PLXNB3: variants seen among roughly 807,000 people sequenced by gnomAD.
The protein encoded by PLXNB3 is plexin-B3.
PLXNB3 carries 80 observed loss-of-function variants against 125.7 expected under a neutral mutation model. The observed-to-expected ratio is 0.64, with a 90% CI of 0.53 to 0.77. PLXNB3 has a LOEUF of 0.77. Among genes scored for constraint, PLXNB3 ranks in the 30% least tolerant of loss-of-function variants. The pLI, the probability that PLXNB3 is intolerant of heterozygous loss-of-function variation, is 0.00. For missense variants in PLXNB3, 1,836 were observed against 1,729.3 expected (o/e 1.06, Z -1.09); for synonymous variants, 954 against 783.3 (o/e 1.22, Z -3.64).
chrX:153,768,010 T>C, intron 3 of PLXNB3, 97 bp downstream of exon 3: 2 of 941,165 alleles, frequency 2.1e-6, no homozygotes, highest in Middle Eastern at 2.9e-4. Flanking sequence ...CCAGCCAACC[T>C]CTCAGCCAGG....
chrX:153,773,750 G>C, intron 19 of PLXNB3, 37 bp downstream of exon 19: 1 of 1,177,950 alleles, frequency 8.5e-7, no homozygotes, highest in Non-Finnish European at 1.1e-6. Context: ...GGCTGTCCCC[G>C]ACCATGCCCA....
intron 2 of PLXNB3, 162 bp downstream of exon 2, chrX:153,765,742 C>T (rs2091850465): frequency 1.3e-6 from 1 of 754,606 alleles, no homozygotes; most frequent in Non-Finnish European, 1.6e-6. Context: ...GCTCTTCCTG[C>T]CTGTGTTCCT....
At chrX:153,769,126 C>T (rs782491093) in intron 5 of PLXNB3, 36 bp from the exon 6 acceptor site, 51 of 1,198,631 alleles carry the variant, frequency 4.3e-5, no homozygotes, top group Admixed American at 2.0e-4. Context: ...GCCCAAGTCT[C>T]GTGCCCATTG....
intron 2 of PLXNB3, chrX:153,766,191 C>T: frequency 1.7e-6 from 2 of 1,145,260 alleles, no homozygotes; most frequent in South Asian, 2.0e-5. Flanking sequence ...TGCTTCCTCG[C>T]CCTGGAGCTG....
chrX:153,774,656 G>A (rs1336908182), intron 22 of PLXNB3, 50 bp from the exon 23 acceptor site: 1 of 1,149,179 alleles, frequency 8.7e-7, no homozygotes, highest in African/African-American at 1.8e-5. Context: ...CCCCGGCCCT[G>A]GCTGATGCTG....
chrX:153,766,637 C>T, intron 2 of PLXNB3: 1 of 751,450 alleles, frequency 1.3e-6, no homozygotes. Flanking sequence ...GTGCATGCAC[C>T]CCTCCCTGCC....
At position 153,776,414 on chromosome X, in the gene PLXNB3, G is replaced by C; in HGVS notation, c.4788G>C (p.Val1596=). The change falls in exon 28 of 36, where the codon GTG becomes GTC. Residue 1596 remains valine, a synonymous_variant. Coordinates refer to ENST00000361971, the MANE Select transcript of PLXNB3 (RefSeq NM_005393.3). ...LTLSDEDLTS[V]TQNHWKRLNT... is the part of the protein sequence containing the mutation. The stretch of plus-strand genomic sequence containing the variant: ...TATCGGACGAAGACTTGACCTCCGT[G>C]ACCCAAAACCACTGGAAGAGACTCA... The C allele has an allele frequency of 8.4e-7, 1 of 1,185,702 alleles. No individual in the cohort carries two copies. Among genetic ancestry groups the C allele is most frequent in the South Asian group, 1.8e-5 (1 of 55,926 alleles).
rs189402880 is a variant in PLXNB3, at chrX:153,768,451, C to T, written c.1266+23C>T. On this transcript the variant is annotated intron_variant, in intron 4 of 35. Coordinates refer to ENST00000361971, the MANE Select transcript of PLXNB3 (RefSeq NM_005393.3). Reference sequence around the variant, plus strand: ...AAGGTGAGGGCCCGGCCTTGCTGTCCGGCTGGGTGTGCCCCTGGCCACGGA... The same window carrying T: ...AAGGTGAGGGCCCGGCCTTGCTGTCTGGCTGGGTGTGCCCCTGGCCACGGA... The T allele has an allele frequency of 2.3e-3, 2,656 of 1,168,042 alleles. 5 individuals carry two copies. Among genetic ancestry groups the T allele is most frequent in the Non-Finnish European group, 2.7e-3 (2,379 of 866,087 alleles).
chrX:153,769,425 C>G (rs1422281140), intron 6 of PLXNB3, among the ~76,000 whole-genome samples, 163 bp downstream of exon 6: 2 of 112,383 alleles, frequency 1.8e-5, no homozygotes, highest in African/African-American at 6.5e-5. Context: ...ACTGAGCCGT[C>G]AATCTGGTTG....
Position 153,773,910 on chromosome X carries a change from C to A in PLXNB3, c.3331C>A (p.Pro1111Thr). 1 of 1,211,217 alleles carries A rather than the reference C, an allele frequency of 8.3e-7. No homozygotes were observed. Among genetic ancestry groups the A allele is most frequent in the Non-Finnish European group, 1.1e-6 (1 of 895,338 alleles). The part of the protein sequence containing the change: ...NSSSLLLCRS[P>T]AVPDRAHPQR... ...GTCCAGCCTCCTCCTGTGCCGGAGC[C>A]CTGCTGTACCAGACAGAGCCCACCC... The change falls in exon 20 of 36, where the codon CCT becomes ACT. Residue 1111 changes from proline to threonine, a missense_variant. Transcript: ENST00000361971.
Position 153,774,820 on chromosome X carries a change from CG to C in PLXNB3, c.3931+20del. 5 of 1,209,463 alleles carry C rather than the reference CG, an allele frequency of 4.1e-6. No homozygotes were observed. The highest frequency in any genetic ancestry group is 4.5e-6 in the Non-Finnish European group (4 of 894,505). On this transcript the variant is annotated intron_variant, in intron 23 of 35. Coordinates refer to ENST00000361971, the MANE Select transcript of PLXNB3 (RefSeq NM_005393.3). ...AGGAGTTCACAGGTGGGTGCGGAGG[CG>C]GGGGGACAGGGTACCCACGAGGCCT...
chrX:153,778,562 C>A, intron 34 of PLXNB3, 38 bp from the exon 35 acceptor site: 5 of 1,174,328 alleles, frequency 4.3e-6, no homozygotes, highest in Non-Finnish European at 5.8e-6. Flanking sequence ...GAGGACCAGG[C>A]TGGGACCTCA....
intron 4 of PLXNB3, 57 bp from the exon 5 acceptor site, chrX:153,768,891 C>G: frequency 8.5e-7 from 1 of 1,178,637 alleles, no homozygotes; most frequent in Non-Finnish European, 1.1e-6. Flanking sequence ...GGGCGTGTCC[C>G]TGGAACAGGC....
Position 153,774,514 on chromosome X carries a change from T to C in PLXNB3, c.3773T>C (p.Val1258Ala), listed in dbSNP as rs1557063287. The change falls in exon 22 of 36, where the codon GTG becomes GCG. Residue 1258 changes from valine (V) to alanine (A), a missense_variant. Transcript: ENST00000361971. ...SAFPVEAQAG[V>A]GMGAAVLIAA... ...TTTCCCGTGGAGGCCCAGGCAGGCGTGGGCATGGGTGCTGCAGTGCTGATT... is the reference window on the plus strand; with the variant it reads ...TTTCCCGTGGAGGCCCAGGCAGGCGCGGGCATGGGTGCTGCAGTGCTGATT... 5 of 1,207,346 alleles carry C rather than the reference T, an allele frequency of 4.1e-6. No individual in the cohort carries two copies. The highest frequency in any genetic ancestry group is 5.6e-6 in the Non-Finnish European group (5 of 894,026).
intron 18 of PLXNB3, 41 bp downstream of exon 18, chrX:153,773,447 A>G (rs2091954881): frequency 8.4e-7 from 1 of 1,186,521 alleles, no homozygotes; most frequent in Non-Finnish European, 1.1e-6. Context: ...ACCACGCAGG[A>G]GGGAAGGTGG....
At chrX:153,768,906 T>G in intron 4 of PLXNB3, 42 bp from the exon 5 acceptor site, 1 of 1,192,848 alleles carries the variant, frequency 8.4e-7, no homozygotes, top group Non-Finnish European at 1.1e-6. Context: ...ACAGGCAACC[T>G]TTGGCCATCT....
chrX:153,773,257 C>T lies in PLXNB3; in HGVS notation c.2934C>T (p.Ile978=), dbSNP rs139989610. The stretch of plus-strand genomic sequence containing the variant: ...TGGAGCCAGTGTGTCCGGAGGCCAT[C>T]GTGTGCCGTACCAGGCCCCAGGCTG... ...PILEPVCPEA[I]VCRTRPQAAP... is the part of the protein sequence containing the mutation. The change falls in exon 18 of 36, where the codon ATC becomes ATT. Residue 978 remains isoleucine, a synonymous_variant. Transcript: ENST00000361971. 4 of 1,208,074 alleles carry T rather than the reference C, an allele frequency of 3.3e-6. No individual in the cohort carries two copies. Among genetic ancestry groups the T allele is most frequent in the Non-Finnish European group, 4.5e-6 (4 of 894,217 alleles).
At position 153,773,351 on chromosome X, in the gene PLXNB3, C is replaced by T. The variant is rs781907647; in HGVS notation, c.3028C>T (p.Arg1010Cys). Reference sequence around the variant, plus strand: ...GCGCACACTGCTCGCCAGCCCCTTCCGCTACACCGCCAACCCCCAGCTTGT... The same window carrying T: ...GCGCACACTGCTCGCCAGCCCCTTCTGCTACACCGCCAACCCCCAGCTTGT... Reference protein sequence around the residue: ...AQRTLLASPFRYTANPQLVAA... With the variant: ...AQRTLLASPFCYTANPQLVAA... Residue 1010 changes from arginine (R) to cysteine (C), a missense_variant, in exon 18 of 36, where the codon CGC (arginine) becomes TGC (cysteine). Coordinates refer to ENST00000361971, the MANE Select transcript of PLXNB3 (RefSeq NM_005393.3). The T allele has an allele frequency of 1.9e-5, 23 of 1,207,353 alleles. No homozygotes were observed. The highest frequency in any genetic ancestry group is 3.5e-5 in the African/African-American group (2 of 57,493).
chrX:153,772,285 C>A lies in PLXNB3; in HGVS notation c.2773C>A (p.Gln925Lys). 5.9e-6 allele frequency: 7 copies of A among 1,186,638 alleles called. No homozygotes were observed. Among genetic ancestry groups the A allele is most frequent in the Non-Finnish European group, 8.0e-6 (7 of 874,549 alleles). The change falls in exon 16 of 36, where the codon CAG becomes AAG. Residue 925 changes from glutamine (Q) to lysine (K), a missense_variant and splice_region_variant. Coordinates refer to ENST00000361971, the MANE Select transcript of PLXNB3 (RefSeq NM_005393.3). Reference sequence around the variant, plus strand: ...CATCTCAAGCCAGCACTTCACCTACCAGGTCAGTGGCCTCCCAGGTGTGCC... The same window carrying A: ...CATCTCAAGCCAGCACTTCACCTACAAGGTCAGTGGCCTCCCAGGTGTGCC... ...PGISSQHFTY[Q>K]DPVLLSLSPR... is the part of the protein sequence containing the mutation.
Sources: gnomAD v4.1 joint callset for allele counts (sites outside exome capture counted in the v4.1 genomes callset) on GRCh38, gnomAD v4.1.1 for gene constraint, MANE v1.5 for transcripts, NCBI Gene and HGNC (gene_info 2026-07-23, HGNC 2026-07-21) for gene names.